The following FGF14 variants were observed in gnomAD, a reference collection of about 807,000 sequenced individuals.
FGF14 encodes the protein fibroblast growth factor homologous factor 4.
FGF14 carries 5 observed loss-of-function variants against 25.5 expected under a neutral mutation model. That is an observed-to-expected ratio of 0.20 (90% CI 0.10 to 0.41). FGF14 has a LOEUF of 0.41. FGF14 is among the 10% of genes least tolerant of loss of function. FGF14 has a pLI of 1.00. For synonymous variants in FGF14, 138 were observed against 118.3 expected (o/e 1.17, Z -1.08); for missense variants, 222 against 320.1 (o/e 0.69, Z 2.34).
At chr13:102,366,642 A>AG (rs1742702360) in intron 1 of FGF14, 1 of 150,334 alleles carries the variant, frequency 6.7e-6, no homozygotes, top group African/African-American at 2.5e-5. Context: ...AAAAAAAAAA[A>AG]GCGGTTACTT....
intron 1 of FGF14, among the ~76,000 whole-genome samples, chr13:101,908,180 G>A (rs985267885): frequency 5.3e-5 from 8 of 152,150 alleles, no homozygotes; most frequent in Non-Finnish European, 1.0e-4. Flanking sequence ...TGAGGTTATT[G>A]ACTGTGAATT....
At chr13:101,987,911 T>C (rs2038680944) in intron 1 of FGF14, among the ~76,000 whole-genome samples, 1 of 152,084 alleles carries the variant, frequency 6.6e-6, no homozygotes, top group African/African-American at 2.4e-5. Context: ...ATATAGTCAG[T>C]GCCCACAACT....
intron 2 of FGF14, among the ~76,000 whole-genome samples, chr13:101,869,049 A>T (rs2044892187): frequency 2.6e-5 from 4 of 152,196 alleles, no homozygotes; most frequent in Non-Finnish European, 2.9e-5. Flanking sequence ...AGTCTTGCTG[A>T]CAGCATTCTG....
chr13:101,830,397 A>G (rs1172716862), intron 3 of FGF14, among the ~76,000 whole-genome samples: 1 of 152,084 alleles, frequency 6.6e-6, no homozygotes, highest in African/African-American at 2.4e-5. Context: ...TGGGAAGTAC[A>G]GGTCCCTGGC....
chr13:102,361,051 A>C (rs1359442105), intron 1 of FGF14, among the ~76,000 whole-genome samples: 1 of 152,222 alleles, frequency 6.6e-6, no homozygotes, highest in African/African-American at 2.4e-5. Context: ...AGTGCATGTT[A>C]AGATCTCCAG....
chr13:102,081,552 T>C (rs77420204), intron 1 of FGF14, among the ~76,000 whole-genome samples: 6,546 of 152,270 alleles, frequency 0.043, 175 homozygotes, highest in African/African-American at 0.055. Flanking sequence ...CCTGAATCTT[T>C]CACTTAATGA....
intron 1 of FGF14, among the ~76,000 whole-genome samples, chr13:102,220,717 C>G (rs1297140527): frequency 1.3e-5 from 2 of 152,198 alleles, no homozygotes; most frequent in Non-Finnish European, 2.9e-5. Flanking sequence ...CATCAAGAGT[C>G]ACTTCACATG....
intron 1 of FGF14, among the ~76,000 whole-genome samples, chr13:102,213,619 G>A (rs752601257): frequency 1.3e-5 from 2 of 152,136 alleles, no homozygotes; most frequent in Non-Finnish European, 2.9e-5. Flanking sequence ...TGTTGTCAAT[G>A]TTAACGAAAA....
In FGF14 at chr13:102,140,053, C is replaced by A. The variant is rs890072433; in HGVS notation, c.208+261418G>T. Among the ~76,000 whole-genome samples, 22 of 145,324 alleles carry A rather than the reference C, an allele frequency of 1.5e-4. 1 individual carries two copies. The highest frequency in any genetic ancestry group is 4.7e-4 in the South Asian group (2 of 4,276). ...GTCAAACTCTTCAAGACCCCCCCCCCCCCTTACAGCAGTAAGTCATCCGTG... is the reference window on the plus strand; with the variant it reads ...GTCAAACTCTTCAAGACCCCCCCCCACCCTTACAGCAGTAAGTCATCCGTG... On this transcript the variant is annotated intron_variant, in intron 1 of 4. Transcript: ENST00000376131.
At position 101,923,323 on chromosome 13, in the gene FGF14, A is replaced by G. The variant is rs1446891911; in HGVS notation, c.209-48027T>C. 2.0e-5 allele frequency among the ~76,000 whole-genome samples: 3 copies of G among 152,076 alleles called. No homozygotes were observed. The East Asian group carries it at 5.8e-4, about 29-fold the overall frequency. On this transcript the variant is annotated intron_variant, in intron 1 of 4. Coordinates refer to the FGF14 transcript ENST00000376131. ...TCCACAATTAAATTATTATAAACCA[A>G]TTTGGGGTGAGCTTCAGTGGAATTA... is the stretch of plus-strand genomic sequence containing the variant.
intron 3 of FGF14, among the ~76,000 whole-genome samples, chr13:101,730,345 A>G (rs139050653): frequency 6.6e-6 from 1 of 152,348 alleles, no homozygotes; most frequent in Non-Finnish European, 1.5e-5. Context: ...TAATATTACA[A>G]ATAGAGAACC....
intron 1 of FGF14, among the ~76,000 whole-genome samples, chr13:102,161,625 G>GAAGAAC: frequency 3.8e-4 from 6 of 15,766 alleles, no homozygotes; most frequent in Non-Finnish European, 1.0e-4. Flanking sequence ...AGAAGAAGAA[G>GAAGAAC]AAGAAGAAGA....
chr13:102,207,501 T>C (rs1387550318), intron 1 of FGF14, among the ~76,000 whole-genome samples: 3 of 149,006 alleles, frequency 2.0e-5, no homozygotes, highest in Non-Finnish European at 4.4e-5. Flanking sequence ...AAAAAACAAA[T>C]GAGGGGGAGA....
At chr13:102,101,107 C>T (rs2044641737) in intron 1 of FGF14, among the ~76,000 whole-genome samples, 1 of 150,586 alleles carries the variant, frequency 6.6e-6, no homozygotes, top group Admixed American at 6.6e-5. Context: ...TCCCGCAACC[C>T]CAGGAAAAAA....
chr13:102,326,693 G>GGGAAGGGAAGGAAGGTA lies in FGF14; in HGVS notation c.208+74777_208+74778insTACCTTCCTTCCCTTCC, dbSNP rs2056445953. Among the ~76,000 whole-genome samples the GGGAAGGGAAGGAAGGTA allele has an allele frequency of 3.7e-4, 11 of 29,388 alleles. 1 individual carries two copies. Among genetic ancestry groups the GGGAAGGGAAGGAAGGTA allele is most frequent in the African/African-American group, 1.6e-3 (11 of 6,962 alleles). 19.3% of individuals were successfully genotyped at this position (29,388 alleles called of 152,430 possible). On this transcript the variant is annotated intron_variant, in intron 1 of 4. Transcript: ENST00000376131. ...GGGAAGGGAAGGGAAGGGAAGGGAA[G>GGGAAGGGAAGGAAGGTA]GGAAGGAAGGAAGGAAGGAAGGAAG... is the stretch of plus-strand genomic sequence containing the variant.
chr13:101,929,894 T>C (rs1347578540), intron 1 of FGF14, among the ~76,000 whole-genome samples: 1 of 152,190 alleles, frequency 6.6e-6, no homozygotes, highest in Non-Finnish European at 1.5e-5. Context: ...TGCATAATCA[T>C]AGAAGGATGA....
intron 1 of FGF14, among the ~76,000 whole-genome samples, chr13:102,312,649 G>C (rs1190581791): frequency 1.3e-5 from 2 of 152,116 alleles, no homozygotes; most frequent in Non-Finnish European, 2.9e-5. Context: ...TGGCTTAAAG[G>C]GATAGAGACA....
intron 1 of FGF14, among the ~76,000 whole-genome samples, chr13:102,343,577 T>A (rs1224711629): frequency 1.3e-5 from 2 of 152,190 alleles, no homozygotes; most frequent in Non-Finnish European, 2.9e-5. Flanking sequence ...CTCTACCAGC[T>A]GCATAGAGAA....
chr13:101,932,919 T>A (rs1269805792), intron 1 of FGF14, among the ~76,000 whole-genome samples: 1 of 152,090 alleles, frequency 6.6e-6, no homozygotes, highest in Non-Finnish European at 1.5e-5. Context: ...ATTGATGAGA[T>A]GGGAGATAGC....
Sources: allele counts gnomAD v4.1 joint callset (sites outside exome capture counted in the v4.1 genomes callset), GRCh38; gene constraint gnomAD v4.1.1; transcripts MANE v1.5; gene names NCBI Gene and HGNC (gene_info 2026-07-23, HGNC 2026-07-21).